Variants in PFKFB3 observed in about 807,000 individuals in gnomAD.
The protein encoded by PFKFB3 is 6-phosphofructo-2-kinase/fructose-2,6-biphosphatase 3, also known as 6-phosphofructo-2-kinase/fructose-2,6-bisphosphatase 3.
In PFKFB3, 33 loss-of-function variants were observed where a neutral mutation model predicts 68.0. The observed-to-expected ratio is 0.49, with a 90% CI of 0.37 to 0.65. PFKFB3 has a LOEUF of 0.65. Ranked by LOEUF, PFKFB3 falls within the 30% of genes least tolerant of loss-of-function variation. PFKFB3 has a pLI of 0.00. For missense variants in PFKFB3, 586 were observed against 712.2 expected (o/e 0.82, Z 2.02); for synonymous variants, 315 against 288.2 (o/e 1.09, Z -0.94).
At chr10:6,265,082 A>ATT in the PFKFB3 span, among the ~76,000 whole-genome samples, 25,833 of 134,436 alleles carry the variant, frequency 0.19, 2,987 homozygotes, top group East Asian at 0.25. Context: ...TTTTTCTTTC[A>ATT]TTTTTTTTTT....
intron 1 of PFKFB3, among the ~76,000 whole-genome samples, chr10:6,164,794 T>G (rs1311677253): frequency 6.6e-6 from 1 of 152,106 alleles, no homozygotes; most frequent in Non-Finnish European, 1.5e-5. Flanking sequence ...GCACATAGGC[T>G]AAGTTTATGT....
chr10:6,239,241 G>A (rs552134889), downstream of PFKFB3, among the ~76,000 whole-genome samples: 1 of 152,160 alleles, frequency 6.6e-6, no homozygotes, highest in Admixed American at 6.5e-5. Flanking sequence ...CATGCCCGGC[G>A]TTTCAAATGC....
chr10:6,148,785 A>G (rs182434536), intron 1 of PFKFB3, among the ~76,000 whole-genome samples: 3 of 152,230 alleles, frequency 2.0e-5, no homozygotes, highest in Non-Finnish European at 4.4e-5. Context: ...CTCCTTAGAA[A>G]TCGAATAGAT....
the PFKFB3 span, among the ~76,000 whole-genome samples, chr10:6,314,800 C>A: frequency 6.6e-6 from 1 of 152,136 alleles, no homozygotes; most frequent in Non-Finnish European, 1.5e-5. Context: ...AAGGGCTCAG[C>A]GGAGTTTGTG....
At chr10:6,195,772 C>T (rs1372724107) in intron 1 of PFKFB3, among the ~76,000 whole-genome samples, 1 of 152,198 alleles carries the variant, frequency 6.6e-6, no homozygotes, top group Admixed American at 6.5e-5. Context: ...AGGGAGAATT[C>T]GGGCTACTGT....
chr10:6,310,693 A>G, the PFKFB3 span, among the ~76,000 whole-genome samples: 1 of 152,218 alleles, frequency 6.6e-6, no homozygotes, highest in Non-Finnish European at 1.5e-5. Context: ...TCGTGAACAA[A>G]TAAGGAATAC....
chr10:6,285,095 T>C, the PFKFB3 span, among the ~76,000 whole-genome samples: 2 of 152,220 alleles, frequency 1.3e-5, 1 homozygote, highest in Non-Finnish European at 2.9e-5. Context: ...CTTTGGGGTA[T>C]GAATCTAGAG....
chr10:6,214,913 C>T (rs1844460517), intron 2 of PFKFB3, among the ~76,000 whole-genome samples: 1 of 152,252 alleles, frequency 6.6e-6, no homozygotes, highest in South Asian at 2.1e-4. Flanking sequence ...CACCCATCCT[C>T]ACAGTCTCAG....
chr10:6,231,497 G>T (rs780488196), intron 14 of PFKFB3: 1 of 985,198 alleles, frequency 1.0e-6, no homozygotes, highest in Non-Finnish European at 1.2e-6. Context: ...CTGAGCTGGG[G>T]CCCCTGGGTG....
chr10:6,152,060 C>G (rs946317776), intron 1 of PFKFB3: 1 of 153,536 alleles, frequency 6.5e-6, no homozygotes, highest in Non-Finnish European at 1.5e-5. Context: ...TGAAACAATA[C>G]TTCACCTCAG....
Position 6,219,680 on chromosome 10 carries a change from G to C in PFKFB3, c.610G>C (p.Asp204His). 1 of 1,613,666 alleles carries C rather than the reference G, an allele frequency of 6.2e-7. No homozygotes were observed. Among genetic ancestry groups the C allele is most frequent in the Non-Finnish European group, 8.5e-7 (1 of 1,179,752 alleles). Residue 204 changes from aspartate (D) to histidine (H), a missense_variant, in exon 7 of 15, where the codon GAC becomes CAC. Asp to His is a moderately conservative substitution (Grantham distance 81). Transcript: ENST00000379775. ...YEASYQPLDP[D>H]KCDRDLSLIK... ...AGCCAGCTACCAGCCCCTCGACCCC[G>C]ACAAATGCGACAGGTGATTCCCGTG...
the PFKFB3 span, among the ~76,000 whole-genome samples, chr10:6,309,258 G>A: frequency 1.3e-5 from 2 of 152,228 alleles, no homozygotes; most frequent in South Asian, 4.1e-4. Context: ...TTTTTGGGGT[G>A]TAATAAGAGT....
At chr10:6,255,948 C>A (rs530823204), downstream of PFKFB3, among the ~76,000 whole-genome samples, 2 of 152,134 alleles carry the variant, frequency 1.3e-5, no homozygotes, top group Admixed American at 6.5e-5. Context: ...CTGGGCTCGC[C>A]GTGGTTCTAA....
Position 6,228,357 on chromosome 10 carries a change from C to T in PFKFB3, c.1515+1992C>T, listed in dbSNP as rs953730589. On this transcript the variant is annotated intron_variant, in intron 14 of 14. Transcript: ENST00000379775. This position sits in a 1 kb window ranked among gnomAD's most constrained non-coding sequence, Gnocchi z 4.5. Reference sequence around the variant, plus strand: ...TTCCGTGGGGGAAGGAGGAGATGGGCGTAGGAGTAGGGAGGAGAGATTCCT... The same window carrying T: ...TTCCGTGGGGGAAGGAGGAGATGGGTGTAGGAGTAGGGAGGAGAGATTCCT... The T allele has an allele frequency of 1.2e-4, 107 of 903,958 alleles. No homozygotes were observed. The highest frequency in any genetic ancestry group is 2.4e-4 in the African/African-American group (15 of 61,430). The allele number at this position is 903,958 out of a possible 1,614,324, so 56.0% of individuals were successfully genotyped here. A position where few individuals can be genotyped will look rare whatever the true frequency, so the allele number is the denominator to read the frequency against.
intron 4 of PFKFB3, 29 bp from the exon 5 acceptor site, chr10:6,216,677 T>C (rs1325580740): frequency 4.7e-6 from 7 of 1,486,840 alleles, no homozygotes; most frequent in South Asian, 1.1e-5. Flanking sequence ...CTTAGAGTTT[T>C]CTTCCTGGCC....
At chr10:6,263,722 T>C in the PFKFB3 span, among the ~76,000 whole-genome samples, 14 of 93,332 alleles carry the variant, frequency 1.5e-4, no homozygotes, top group African/African-American at 4.7e-4. Context: ...AGTCTTGCTC[T>C]GTCACCAGGT....
At chr10:6,293,768 G>A in the PFKFB3 span, 50,205 of 346,376 alleles carry the variant, frequency 0.14, 3,994 homozygotes, top group South Asian at 0.23. Context: ...GCCTGTTTGA[G>A]CACCTTGTGC....
intron 14 of PFKFB3, among the ~76,000 whole-genome samples, chr10:6,243,259 G>A (rs552753072): frequency 5.3e-5 from 8 of 152,286 alleles, no homozygotes; most frequent in African/African-American, 1.2e-4. Context: ...CGGAACTGCC[G>A]CACGTCCCAA....
the PFKFB3 span, among the ~76,000 whole-genome samples, chr10:6,302,962 C>T: frequency 6.6e-6 from 1 of 152,122 alleles, no homozygotes; most frequent in Non-Finnish European, 1.5e-5. Flanking sequence ...CTCGAGGTAA[C>T]GGGATGTCAT....
Sources: gnomAD v4.1 joint callset for allele counts (sites outside exome capture counted in the v4.1 genomes callset) on GRCh38, gnomAD v4.1.1 for gene constraint, Gnocchi (gnomAD v3.1) non-coding constraint, MANE v1.5 for transcripts, NCBI Gene and HGNC (gene_info 2026-07-23, HGNC 2026-07-21) for gene names.